The following CALN1 variants were observed in gnomAD, a reference collection of about 807,000 sequenced individuals.
CALN1 encodes the protein calneuron 1.
In CALN1, 17 loss-of-function variants were observed where a neutral mutation model predicts 30.6. The observed-to-expected ratio is 0.56, with a 90% CI of 0.38 to 0.83. The LOEUF (loss-of-function observed/expected upper bound fraction) is 0.83. Ranked by LOEUF, CALN1 falls within the 40% of genes least tolerant of loss-of-function variation. The pLI, the probability that CALN1 is intolerant of heterozygous loss-of-function variation, is 0.00. For missense variants in CALN1, 291 were observed against 354.9 expected (o/e 0.82, Z 1.45); for synonymous variants, 156 against 131.4 (o/e 1.19, Z -1.28).
In CALN1 at chr7:72,106,158, G is replaced by A; in HGVS notation, c.381C>T (p.Asp127=). Residue 127 remains aspartate (D), a synonymous_variant, in exon 4 of 7, where the codon GAC becomes GAT. Coordinates refer to ENST00000395275, the MANE Select transcript of CALN1 (RefSeq NM_031468.4). ...VELAIIMQRL[D]MDGDGQVDFD... The stretch of plus-strand genomic sequence containing the variant: ...TGCTTGTCCGGGTCTTACCGTCCAT[G>A]TCCAAGCGCTGCATGATGATGGCCA... 6.2e-7 allele frequency: 1 copy of A among 1,613,792 alleles called. No homozygotes were observed. Among genetic ancestry groups the A allele is most frequent in the South Asian group, 1.1e-5 (1 of 90,992 alleles).
At chr7:72,347,048 G>T (rs541167638) in intron 2 of CALN1, among the ~76,000 whole-genome samples, 1 of 152,218 alleles carries the variant, frequency 6.6e-6, no homozygotes, top group South Asian at 2.1e-4. Context: ...ACATGTAACT[G>T]AAGTTTGAAA....
chr7:72,099,065 T>C (rs1224419592), intron 4 of CALN1, among the ~76,000 whole-genome samples: 1 of 152,172 alleles, frequency 6.6e-6, no homozygotes, highest in Non-Finnish European at 1.5e-5. Flanking sequence ...CCGGGCCTCG[T>C]GCCGAAGGTA....
chr7:71,809,147 T>C (rs997048993), intron 6 of CALN1, among the ~76,000 whole-genome samples: 1 of 152,148 alleles, frequency 6.6e-6, no homozygotes, highest in Non-Finnish European at 1.5e-5. Flanking sequence ...TGCTTTCTGT[T>C]TTGCAACAGA....
At chr7:72,028,931 C>A (rs1215000794) in intron 4 of CALN1, among the ~76,000 whole-genome samples, 1 of 151,992 alleles carries the variant, frequency 6.6e-6, no homozygotes, top group Non-Finnish European at 1.5e-5. Context: ...GTGGAGGTTG[C>A]AGTGAGCTGA....
intron 4 of CALN1, among the ~76,000 whole-genome samples, chr7:72,060,265 A>G (rs1400946088): frequency 6.6e-6 from 1 of 152,146 alleles, no homozygotes; most frequent in Non-Finnish European, 1.5e-5. Context: ...CAGTGGAACC[A>G]TTGTCTCGAG....
intron 6 of CALN1, among the ~76,000 whole-genome samples, chr7:71,793,076 G>C (rs886153314): frequency 6.6e-6 from 1 of 152,038 alleles, no homozygotes; most frequent in African/African-American, 2.4e-5. Flanking sequence ...AGGCTGAGGT[G>C]GGTGGATCAC....
intron 3 of CALN1, among the ~76,000 whole-genome samples, chr7:72,157,436 CA>C (rs1259864215): frequency 6.6e-6 from 1 of 152,072 alleles, no homozygotes; most frequent in Non-Finnish European, 1.5e-5. Flanking sequence ...CGGGAGGACT[CA>C]GGGGCTTCCA....
At chr7:72,087,388 C>T (rs928844564) in intron 4 of CALN1, among the ~76,000 whole-genome samples, 4 of 152,068 alleles carry the variant, frequency 2.6e-5, no homozygotes, top group Non-Finnish European at 5.9e-5. Context: ...AAAAATTAGC[C>T]GGGCACGCTG....
chr7:72,371,903 C>T (rs1387207346), intron 2 of CALN1, among the ~76,000 whole-genome samples: 1 of 152,174 alleles, frequency 6.6e-6, no homozygotes, highest in African/African-American at 2.4e-5. Flanking sequence ...ATGCATGGAG[C>T]AGCTATTCGA....
At chr7:72,252,055 A>C (rs953683984) in intron 3 of CALN1, among the ~76,000 whole-genome samples, 1 of 152,180 alleles carries the variant, frequency 6.6e-6, no homozygotes, top group Non-Finnish European at 1.5e-5. Flanking sequence ...ATGCGTCCCC[A>C]AAGTCCAGAC....
chr7:71,929,016 G>A (rs975823196), intron 5 of CALN1, among the ~76,000 whole-genome samples: 10 of 151,988 alleles, frequency 6.6e-5, no homozygotes, highest in Non-Finnish European at 1.2e-4. Context: ...GATGTGTCAT[G>A]TAAATGGAAT....
At chr7:71,849,103 T>C (rs1433098038) in intron 5 of CALN1, among the ~76,000 whole-genome samples, 1 of 152,188 alleles carries the variant, frequency 6.6e-6, no homozygotes, top group African/African-American at 2.4e-5. Flanking sequence ...ATAAATATAA[T>C]CCACTCTATT....
At chr7:72,361,155 T>C (rs577775202) in intron 2 of CALN1, among the ~76,000 whole-genome samples, 2 of 152,172 alleles carry the variant, frequency 1.3e-5, no homozygotes, top group Non-Finnish European at 2.9e-5. Context: ...AGGTTATTCA[T>C]GCACAAATCA....
chr7:72,060,760 G>A (rs950264067), intron 4 of CALN1, among the ~76,000 whole-genome samples: 30 of 152,024 alleles, frequency 2.0e-4, no homozygotes, highest in African/African-American at 6.8e-4. Flanking sequence ...AAGAGTCTGG[G>A]ATCTCCCCCG....
At chr7:72,155,820 G>C (rs1178241250) in intron 3 of CALN1, among the ~76,000 whole-genome samples, 1 of 152,104 alleles carries the variant, frequency 6.6e-6, no homozygotes, top group Non-Finnish European at 1.5e-5. Flanking sequence ...TGGTAGCTGG[G>C]ATGGTTCCCT....
chr7:72,065,691 A>C (rs571431246), intron 4 of CALN1, among the ~76,000 whole-genome samples: 1 of 152,250 alleles, frequency 6.6e-6, no homozygotes, highest in East Asian at 1.9e-4. Context: ...CAGGAGTTCA[A>C]GACCAGCCTG....
chr7:72,236,763 A>G (rs1794495780), intron 3 of CALN1, among the ~76,000 whole-genome samples: 1 of 152,198 alleles, frequency 6.6e-6, no homozygotes, highest in African/African-American at 2.4e-5. Context: ...AGCTTTAATG[A>G]TATAGTACAG....
intron 3 of CALN1, among the ~76,000 whole-genome samples, chr7:72,166,113 T>C (rs1788505729): frequency 6.6e-6 from 1 of 152,190 alleles, no homozygotes; most frequent in Non-Finnish European, 1.5e-5. Flanking sequence ...CAGTCCTGGC[T>C]AATAAAAACA....
At chr7:71,986,409 C>G (rs1798676211) in intron 5 of CALN1, among the ~76,000 whole-genome samples, 1 of 152,184 alleles carries the variant, frequency 6.6e-6, no homozygotes, top group South Asian at 2.1e-4. Flanking sequence ...AATATAAACC[C>G]AGCTCATTGC....
Sources: gnomAD v4.1 joint callset for allele counts (sites outside exome capture counted in the v4.1 genomes callset) on GRCh38, gnomAD v4.1.1 for gene constraint, MANE v1.5 for transcripts, NCBI Gene and HGNC (gene_info 2026-07-23, HGNC 2026-07-21) for gene names.